The following ZAN variants were observed in gnomAD, a reference collection of about 807,000 sequenced individuals.
ZAN encodes the protein zonadhesin (gene/pseudogene).
Under a neutral mutation model 286.2 loss-of-function variants are expected in ZAN, and 260 were observed. The ratio of observed to expected loss-of-function variants is 0.91; its 90% CI spans 0.82 to 1.01. ZAN has a LOEUF of 1.01. Among genes scored for constraint, ZAN ranks in the 50% least tolerant of loss-of-function variants. The pLI is 0.00. For missense variants in ZAN, 3,410 were observed against 3,639.2 expected (o/e 0.94, Z 1.62); for synonymous variants, 1,368 against 1,417.5 (o/e 0.97, Z 0.79).
intron 11 of ZAN, among the ~76,000 whole-genome samples, chr7:100,750,059 A>AACACACAC (rs373704697): frequency 0.019 from 2,364 of 122,270 alleles, 29 homozygotes; most frequent in African/African-American, 0.03. Context: ...TCAAAAAAAC[A>AACACACAC]ACACACACAC....
chr7:100,789,421 G>T, intron 39 of ZAN, 74 bp downstream of exon 39: 1 of 1,578,358 alleles, frequency 6.3e-7, no homozygotes, highest in South Asian at 1.2e-5. Context: ...ATTTAAGACA[G>T]GCAAATCCTG....
At chr7:100,760,191 G>A (rs1809457346) in intron 18 of ZAN, among the ~76,000 whole-genome samples, 200 bp from the exon 19 acceptor site, 1 of 152,108 alleles carries the variant, frequency 6.6e-6, no homozygotes, top group South Asian at 2.1e-4. Context: ...TCCAGCCTAG[G>A]CAACATAGTA....
At chr7:100,779,860 C>T (rs751461181) in intron 35 of ZAN, 110 bp downstream of exon 35, 13 of 1,182,156 alleles carry the variant, frequency 1.1e-5, no homozygotes, top group Non-Finnish European at 1.5e-5. Context: ...TAACTCAGCC[C>T]TCATTGTTTC....
chr7:100,787,937 ACGGCTT>A lies in ZAN; in HGVS notation c.7030_7035del (p.Gly2344_Phe2345del), dbSNP rs756612615. On this transcript the variant is annotated inframe_deletion, in exon 38 of 48. Transcript: ENST00000613979. ...GGCGACCCCCGTTACCTCACATTTG[ACGGCTT>A]CAGCTACCGCTTGCAAGGCCGCATG... is the stretch of plus-strand genomic sequence containing the variant. The A allele has an allele frequency of 1.2e-5, 15 of 1,303,650 alleles. No individual in the cohort carries two copies. The highest frequency in any genetic ancestry group is 1.6e-5 in the Non-Finnish European group (15 of 918,558). The allele number at this position is 1,303,650 out of a possible 1,614,324, so 80.8% of individuals were successfully genotyped here. A position where few individuals can be genotyped will look rare whatever the true frequency, so the allele number is the denominator to read the frequency against.
rs765174657 is a variant in ZAN at position 100,794,124 on chromosome 7, G to T, written c.7991G>T (p.Gly2664Val). The T allele has an allele frequency of 1.2e-6, 2 of 1,614,008 alleles. No homozygotes were observed. Among genetic ancestry groups the T allele is most frequent in the South Asian group, 2.2e-5 (2 of 91,084 alleles). ...CTSNGIYYQL[G>V]SSFLTEDCSQ... ...CCTGGCCCTTCCCCTTTCTAGCTGGGCAGCAGCTTTCTGACTGAGGACTGC... is the reference window on the plus strand; with the variant it reads ...CCTGGCCCTTCCCCTTTCTAGCTGGTCAGCAGCTTTCTGACTGAGGACTGC... Residue 2664 changes from glycine (G) to valine (V), a missense_variant, in exon 44 of 48, where the codon GGC becomes GTC. By Grantham distance (109) the Gly-to-Val change is moderately radical. Around this residue, in one of 7 missense-constraint regions of ZAN, gnomAD observed 1,289 missense variants for 1,314.3 expected, o/e 0.98. Coordinates refer to ENST00000613979, the MANE Select transcript of ZAN (RefSeq NM_003386.3).
Position 100,797,102 on chromosome 7 carries a change from T to C in ZAN, c.8267-264T>C, listed in dbSNP as rs370836968. ...CTGCAGAAAGCTATGATCGCACCAC[T>C]GCACTCCAGCCTGAGCAATAGAGCC... On this transcript the variant is annotated intron_variant, in intron 45 of 47. Transcript: ENST00000613979. Among the ~76,000 whole-genome samples the C allele has an allele frequency of 1.1e-4, 17 of 152,194 alleles. No individual in the cohort carries two copies. In the East Asian group the frequency reaches 3.1e-3, roughly 28 times the overall value.
At chr7:100,747,482 A>G in intron 8 of ZAN, 68 bp from the exon 9 acceptor site, 1 of 1,317,262 alleles carries the variant, frequency 7.6e-7, no homozygotes, top group Non-Finnish European at 1.1e-6. Context: ...TCATCCTCCT[A>G]GGTATAGTTC....
rs1267357542 is a variant in ZAN at position 100,768,625 on chromosome 7, A to G, written c.5057A>G (p.Asn1686Ser). Residue 1686 changes from asparagine to serine, a missense_variant, in exon 27 of 48, where the codon AAC (asparagine) becomes AGC (serine). By Grantham distance (46) the Asn-to-Ser change is conservative. Transcript: ENST00000613979. ...CCTCCTCTAGGGAACTACAACAACA[A>G]CAGCTTGGATGACAACCTGCGCCCC... The part of the protein sequence containing the change: ...LCGLCGNYNN[N>S]SLDDNLRPDR... 6.2e-7 allele frequency: 1 copy of G among 1,609,632 alleles called. No individual in the cohort carries two copies. Among genetic ancestry groups the G allele is most frequent in the East Asian group, 2.2e-5 (1 of 44,772 alleles).
chr7:100,738,877 C>G (rs370133868), intron 7 of ZAN, among the ~76,000 whole-genome samples: 3 of 14,252 alleles, frequency 2.1e-4, no homozygotes, highest in East Asian at 0.024. Context: ...TTCTTCTTCT[C>G]CCTCTCCCTC....
At position 100,779,665 on chromosome 7, in the gene ZAN, C is replaced by T; in HGVS notation, c.6537C>T (p.Ala2179=). ...GTGAGTTCGGAGGTCTCTACCAGGC[C>T]CTCTGCCAGGCTCTGCAAGCCTTCG... ...TLCEFGGLYQ[A]LCQALQAFGA... The change falls in exon 35 of 48, where the codon GCC becomes GCT. Residue 2179 remains alanine (A), a synonymous_variant. Coordinates refer to ENST00000613979, the MANE Select transcript of ZAN (RefSeq NM_003386.3). 6.3e-7 allele frequency: 1 copy of T among 1,575,000 alleles called. No homozygotes were observed. The highest frequency in any genetic ancestry group is 8.6e-7 in the Non-Finnish European group (1 of 1,160,436).
chr7:100,767,083 C>A lies in ZAN; in HGVS notation c.4686C>A (p.Gly1562=), dbSNP rs1194362404. 3.7e-6 allele frequency: 6 copies of A among 1,613,858 alleles called. No individual in the cohort carries two copies. The highest frequency in any genetic ancestry group is 5.1e-6 in the Non-Finnish European group (6 of 1,179,896). The change falls in exon 25 of 48, where the codon GGC becomes GGA. Residue 1562 remains glycine (G), a synonymous_variant. Transcript: ENST00000613979. ...ATGGCGCCTTGCACCACTTCATGGGCACCTGCACCTATGTCCTGACCCGGC... is the reference window on the plus strand; with the variant it reads ...ATGGCGCCTTGCACCACTTCATGGGAACCTGCACCTATGTCCTGACCCGGC... ...TFDGALHHFM[G]TCTYVLTRPC... is the part of the protein sequence containing the mutation.
At chr7:100,749,423 A>T (rs367639802) in intron 11 of ZAN, among the ~76,000 whole-genome samples, 4 of 150,072 alleles carry the variant, frequency 2.7e-5, no homozygotes, top group Non-Finnish European at 1.5e-5. Context: ...GGCGGATCAC[A>T]AGGTCAGGAG....
intron 37 of ZAN, among the ~76,000 whole-genome samples, chr7:100,787,638 T>C (rs937554296): frequency 6.6e-6 from 1 of 152,140 alleles, no homozygotes; most frequent in Non-Finnish European, 1.5e-5. Context: ...CGGCGCTCAC[T>C]ACAACCTCTG....
chr7:100,752,881 A>G lies in ZAN; in HGVS notation c.2776A>G (p.Lys926Glu). The G allele has an allele frequency of 6.2e-7, 1 of 1,609,902 alleles. No homozygotes were observed. Among genetic ancestry groups the G allele is most frequent in the African/African-American group, 1.4e-5 (1 of 73,674 alleles). ...GGAAAAACCCACCATCCCCACGGAA[A>G]AACCCACCATCCCCACTGAAGAGAC... Reference protein sequence around the residue: ...STEKPTIPTEKPTIPTEETTI... With the variant: ...STEKPTIPTEEPTIPTEETTI... The change falls in exon 14 of 48, where the codon AAA becomes GAA. Residue 926 changes from lysine (K) to glutamate (E), a missense_variant. Physicochemically the swap from Lys to Glu is moderately conservative, Grantham distance 56. This residue lies in a region of ZAN where 51 missense variants were observed against 105.2 expected (regional missense o/e 0.48). Transcript: ENST00000613979.
rs1808321201 is a variant in ZAN at position 100,747,584 on chromosome 7, A to G, written c.966A>G (p.Gln322=). Residue 322 remains glutamine (Q), a synonymous_variant, in exon 9 of 48, where the codon CAA becomes CAG. Transcript: ENST00000613979. ...SIRKHTLFSG[Q]PGPNWQAVSV... is the part of the protein sequence containing the mutation. ...GGAAACACACTCTCTTCTCAGGACA[A>G]CCTGGGCCCAACTGGCAGGCTGTTT... 1.9e-6 allele frequency: 3 copies of G among 1,613,684 alleles called. No homozygotes were observed. The highest frequency in any genetic ancestry group is 2.7e-5 in the African/African-American group (2 of 74,970).
At chr7:100,754,496 G>C (rs1809008328) in intron 14 of ZAN, among the ~76,000 whole-genome samples, 2 of 151,606 alleles carry the variant, frequency 1.3e-5, no homozygotes, top group South Asian at 4.2e-4. Flanking sequence ...TAAATAAATG[G>C]AGTATTTCTT....
At chr7:100,788,493 AG>A (rs1189968494) in intron 38 of ZAN, among the ~76,000 whole-genome samples, 1 of 152,118 alleles carries the variant, frequency 6.6e-6, no homozygotes, top group Admixed American at 6.6e-5. Flanking sequence ...TTGAGGCTGC[AG>A]TGAGCCAAGA....
chr7:100,767,408 C>A (rs545862344), intron 25 of ZAN, among the ~76,000 whole-genome samples, 151 bp downstream of exon 25: 1 of 151,618 alleles, frequency 6.6e-6, no homozygotes, highest in Non-Finnish European at 1.5e-5. Context: ...CTCTGGACTC[C>A]CTCCTCCCTC....
chr7:100,783,118 A>G (rs1000613218), intron 35 of ZAN, among the ~76,000 whole-genome samples: 3 of 151,886 alleles, frequency 2.0e-5, no homozygotes, highest in Non-Finnish European at 2.9e-5. Flanking sequence ...AAATACAAAA[A>G]ATAGCTGGGC....
Sources: gnomAD v4.1 joint callset for allele counts (sites outside exome capture counted in the v4.1 genomes callset) on GRCh38, gnomAD v4.1.1 for gene constraint, gnomAD v4.1.1 regional missense constraint, MANE v1.5 for transcripts, NCBI Gene and HGNC (gene_info 2026-07-23, HGNC 2026-07-21) for gene names.